Variants in ATP8A2 observed in about 807,000 individuals in gnomAD.
The protein encoded by ATP8A2 is phospholipid-transporting ATPase IB.
Under a neutral mutation model 165.6 loss-of-function variants are expected in ATP8A2, and 100 were observed. The ratio of observed to expected loss-of-function variants is 0.60; its 90% confidence interval spans 0.51 to 0.71. The LOEUF (loss-of-function observed/expected upper bound fraction) is 0.71, where lower values mean the gene tolerates loss of function less well. Among genes scored for constraint, ATP8A2 ranks in the 30% least tolerant of loss-of-function variants. ATP8A2 has a pLI of 0.00. For missense variants in ATP8A2, 1,227 were observed against 1,479.5 expected (o/e 0.83, Z 2.80); for synonymous variants, 543 against 548.8 (o/e 0.99, Z 0.15).
chr13:25,530,237 T>C (rs1204945952), intron 3 of ATP8A2, 139 bp downstream of exon 3: 5 of 628,314 alleles, frequency 8.0e-6, no homozygotes, highest in Non-Finnish European at 1.1e-5. Flanking sequence ...TTTGATAGAG[T>C]GAACAAGCCT....
chr13:25,555,210 T>C (rs2038945513), intron 13 of ATP8A2, 142 bp downstream of exon 13: 1 of 596,302 alleles, frequency 1.7e-6, no homozygotes, highest in African/African-American at 1.8e-5. Flanking sequence ...TATAATACTT[T>C]TGAATGTGCC....
intron 24 of ATP8A2, among the ~76,000 whole-genome samples, chr13:25,667,335 G>T (rs55650284): frequency 0.07 from 10,639 of 152,158 alleles, 1,001 homozygotes; most frequent in East Asian, 0.24. Flanking sequence ...CTACTGGAAG[G>T]TGTTTGGGTT....
intron 24 of ATP8A2, among the ~76,000 whole-genome samples, chr13:25,621,561 G>A (rs2040969648): frequency 6.6e-6 from 1 of 151,990 alleles, no homozygotes. Flanking sequence ...TTTAGAATGA[G>A]CTCATTTTTC....
At chr13:25,543,001 C>G (rs2038531820) in intron 9 of ATP8A2, among the ~76,000 whole-genome samples, 1 of 151,940 alleles carries the variant, frequency 6.6e-6, no homozygotes, top group South Asian at 2.1e-4. Context: ...TAGCAACTTC[C>G]TTTCTGGGTA....
chr13:25,634,142 A>G (rs998552997), intron 24 of ATP8A2, among the ~76,000 whole-genome samples: 1 of 152,182 alleles, frequency 6.6e-6, no homozygotes, highest in Non-Finnish European at 1.5e-5. Flanking sequence ...TAAAGCGGAT[A>G]AACTCAGTCA....
intron 1 of ATP8A2, among the ~76,000 whole-genome samples, chr13:25,435,963 GTGTGTGTGTA>G (rs1303739641): frequency 2.0e-5 from 3 of 151,458 alleles, no homozygotes; most frequent in Non-Finnish European, 4.4e-5. Context: ...GTGTGTGTGT[GTGTGTGTGTA>G]TGTGTGTGTG....
At chr13:25,866,601 A>C (rs1952514579) in intron 33 of ATP8A2, among the ~76,000 whole-genome samples, 1 of 152,140 alleles carries the variant, frequency 6.6e-6, no homozygotes, top group Non-Finnish European at 1.5e-5. Flanking sequence ...ATGTGCAGGC[A>C]ATCACGTACA....
chr13:25,803,011 A>C (rs139829154), intron 27 of ATP8A2, among the ~76,000 whole-genome samples: 1 of 151,580 alleles, frequency 6.6e-6, no homozygotes, highest in East Asian at 2.0e-4. Context: ...GAAAAACTGG[A>C]GAATTTTTTT....
intron 16 of ATP8A2, 123 bp downstream of exon 16, chr13:25,564,154 G>A (rs2039245052): frequency 2.8e-6 from 2 of 708,796 alleles, no homozygotes; most frequent in Admixed American, 2.1e-5. Context: ...ACTTGATGAT[G>A]TGAGTCCTTC....
In ATP8A2 at chr13:25,789,909, A is replaced by G. The variant is rs377220250; in HGVS notation, c.2679+14950A>G. On this transcript the variant is annotated intron_variant, in intron 27 of 36. Transcript: ENST00000381655. ...AAAGACCAAGGGAACAGAATAGAGA[A>G]CCCAGAAATAAGACCACATACCTAC... Among the ~76,000 whole-genome samples, 125 of 152,230 alleles carry G rather than the reference A, an allele frequency of 8.2e-4. 1 individual carries two copies. The highest frequency in any genetic ancestry group is 2.9e-3 in the South Asian group (14 of 4,812).
At chr13:25,511,052 T>C (rs1381154797) in intron 2 of ATP8A2, among the ~76,000 whole-genome samples, 1 of 152,202 alleles carries the variant, frequency 6.6e-6, no homozygotes, top group Non-Finnish European at 1.5e-5. Flanking sequence ...AAAATTAAGT[T>C]TAGAAATGTG....
At chr13:25,752,854 T>A in intron 25 of ATP8A2, among the ~76,000 whole-genome samples, 1 of 152,220 alleles carries the variant, frequency 6.6e-6, no homozygotes, top group East Asian at 1.9e-4. Flanking sequence ...GTCTCAGAAC[T>A]AGCTCAGGGC....
At chr13:25,474,894 A>G (rs9578867) in intron 2 of ATP8A2, among the ~76,000 whole-genome samples, 47,405 of 151,570 alleles carry the variant, frequency 0.31, 8,411 homozygotes, top group African/African-American at 0.5. Context: ...GCAGTGGTGC[A>G]ATCTCGGCTC....
chr13:25,755,062 A>G (rs2044232193), intron 25 of ATP8A2, among the ~76,000 whole-genome samples: 1 of 152,220 alleles, frequency 6.6e-6, no homozygotes. Flanking sequence ...ATGAATGGAA[A>G]AGAATCACTT....
At chr13:25,453,982 G>A (rs746140785) in intron 1 of ATP8A2, among the ~76,000 whole-genome samples, 7 of 152,118 alleles carry the variant, frequency 4.6e-5, no homozygotes, top group Admixed American at 1.3e-4. Flanking sequence ...GGGCTGTGGC[G>A]GGAGGAAAGG....
chr13:25,828,298 A>G, intron 28 of ATP8A2, 106 bp downstream of exon 28: 1 of 969,338 alleles, frequency 1.0e-6, no homozygotes, highest in Non-Finnish European at 1.6e-6. Flanking sequence ...TCATCTGTAT[A>G]CTTAGCAGGC....
chr13:25,614,678 TTTGTC>T (rs775678152), intron 24 of ATP8A2, among the ~76,000 whole-genome samples: 3 of 152,174 alleles, frequency 2.0e-5, no homozygotes, highest in Non-Finnish European at 2.9e-5. Flanking sequence ...TTCAGATTCT[TTTGTC>T]CCATGGGGTG....
chr13:25,781,085 C>A lies in ATP8A2; in HGVS notation c.2679+6126C>A, dbSNP rs374203198. Among the ~76,000 whole-genome samples, 3 of 152,212 alleles carry A rather than the reference C, an allele frequency of 2.0e-5. No individual in the cohort carries two copies. In the East Asian group the frequency reaches 5.8e-4, roughly 29 times the overall value. On this transcript the variant is annotated intron_variant, in intron 27 of 36. Coordinates refer to ENST00000381655, the MANE Select transcript of ATP8A2 (RefSeq NM_016529.6). ...GACCATCCTGGCTAACATGGTGAAA[C>A]CCCGTCTCTACTAAAAAAACACAAA...
At chr13:25,922,830 C>T (rs907272709) in intron 33 of ATP8A2, among the ~76,000 whole-genome samples, 2 of 152,178 alleles carry the variant, frequency 1.3e-5, no homozygotes, top group African/African-American at 4.8e-5. Flanking sequence ...TGTGAGCTGG[C>T]TGGGCTTCCT....
Sources: allele counts gnomAD v4.1 joint callset (sites outside exome capture counted in the v4.1 genomes callset), GRCh38; gene constraint gnomAD v4.1.1; transcripts MANE v1.5; gene names NCBI Gene and HGNC (gene_info 2026-07-23, HGNC 2026-07-21).